ALMS1: variants seen among roughly 807,000 people sequenced by gnomAD.
The protein encoded by ALMS1 is ALMS1 centrosome and basal body associated protein, also known as centrosome-associated protein ALMS1.
ALMS1 carries 271 observed loss-of-function variants against 352.2 expected under a neutral mutation model. The observed-to-expected ratio is 0.77, with a 90% confidence interval of 0.70 to 0.85. The LOEUF (loss-of-function observed/expected upper bound fraction) is 0.85, where lower values mean the gene tolerates loss of function less well. Ranked by LOEUF, ALMS1 falls within the 40% of genes least tolerant of loss-of-function variation. The pLI, the probability that ALMS1 is intolerant of heterozygous loss-of-function variation, is 0.00. For synonymous variants in ALMS1, 1,865 were observed against 1,761.2 expected, an observed-to-expected ratio of 1.06 and a Z score of -1.48; for missense variants, 5,445 against 4,870.7, an observed-to-expected ratio of 1.12 and a Z score of -3.51.
chr2:73,474,817 A>C (rs749179643), intron 9 of ALMS1, among the ~76,000 whole-genome samples: 4 of 152,132 alleles, frequency 2.6e-5, no homozygotes, highest in Non-Finnish European at 5.9e-5. Context: ...TATAATACAT[A>C]AGGTTTGCCC....
chr2:73,504,785 G>T (rs1236042549), intron 10 of ALMS1, among the ~76,000 whole-genome samples: 2 of 151,874 alleles, frequency 1.3e-5, no homozygotes, highest in Non-Finnish European at 2.9e-5. Context: ...GAATGTTCAG[G>T]TTTGTTACAT....
At chr2:73,411,031 C>T (rs930832269) in intron 2 of ALMS1, among the ~76,000 whole-genome samples, 1 of 151,874 alleles carries the variant, frequency 6.6e-6, no homozygotes, top group Admixed American at 6.6e-5. Flanking sequence ...TGTTTTGGGT[C>T]GAATTGTGCC....
chr2:73,408,145 A>T (rs1671007864), intron 1 of ALMS1, among the ~76,000 whole-genome samples: 1 of 152,010 alleles, frequency 6.6e-6, no homozygotes, highest in Non-Finnish European at 1.5e-5. Flanking sequence ...TTTTTGTTTT[A>T]TTGCCTGTAA....
At chr2:73,582,964 C>G (rs1675217481) in intron 16 of ALMS1, among the ~76,000 whole-genome samples, 1 of 151,524 alleles carries the variant, frequency 6.6e-6, no homozygotes, top group East Asian at 1.9e-4. Context: ...ACTGTTTTCC[C>G]TAGTGGTTGT....
chr2:73,425,549 T>A (rs1353405063), intron 5 of ALMS1, among the ~76,000 whole-genome samples: 1 of 152,116 alleles, frequency 6.6e-6, no homozygotes, highest in Non-Finnish European at 1.5e-5. Flanking sequence ...CTCTTTTTGG[T>A]GAGAAAAATA....
chr2:73,475,468 A>G (rs1001396917), intron 9 of ALMS1, among the ~76,000 whole-genome samples: 1 of 152,086 alleles, frequency 6.6e-6, no homozygotes, highest in African/African-American at 2.4e-5. Context: ...TATTTCTAAC[A>G]ACTAATGGTG....
chr2:73,479,048 C>T (rs1672640947), intron 9 of ALMS1, among the ~76,000 whole-genome samples: 1 of 152,100 alleles, frequency 6.6e-6, no homozygotes. Context: ...CATAGTATTC[C>T]ATGGTATATA....
Position 73,452,059 on chromosome 2 carries a change from C to T in ALMS1, c.5532C>T (p.Asn1844=), listed in dbSNP as rs369656698. Residue 1844 remains asparagine (N), a synonymous_variant, in exon 8 of 23, where the codon AAC becomes AAT. Transcript: ENST00000613296. ...PGPADQKTGI[N]ILPSNSYPQR... is the part of the protein sequence containing the mutation. ...CAGCTGACCAGAAGACTGGAATAAA[C>T]ATCCTGCCCTCTAATTCCTACCCAC... The T allele has an allele frequency of 1.5e-5, 25 of 1,613,976 alleles. No individual in the cohort carries two copies. Among genetic ancestry groups the T allele is most frequent in the Middle Eastern group, 1.7e-4 (1 of 6,058 alleles).
chr2:73,406,589 G>A (rs759412877), intron 1 of ALMS1, among the ~76,000 whole-genome samples: 4 of 151,456 alleles, frequency 2.6e-5, no homozygotes, highest in Non-Finnish European at 5.9e-5. Flanking sequence ...TATTTTCATT[G>A]TAGTTACCAT....
Position 73,432,278 on chromosome 2 carries a change from A to G in ALMS1, c.1419A>G (p.Lys473=), listed in dbSNP as rs763926547. 1.2e-6 allele frequency: 2 copies of G among 1,611,014 alleles called. No homozygotes were observed. The highest frequency in any genetic ancestry group is 1.1e-5 in the South Asian group (1 of 91,016). The stretch of plus-strand genomic sequence containing the variant: ...CTGACACTGTGCCAAAGGCTCCTAA[A>G]CATTTAAAAGCAGGTACGTAGAAAA... The part of the protein sequence containing the change: ...MSPDTVPKAP[K]HLKAGDTSKG... The change falls in exon 7 of 23, where the codon AAA becomes AAG. Residue 473 remains lysine, a synonymous_variant. Coordinates refer to ENST00000613296, the MANE Select transcript of ALMS1 (RefSeq NM_001378454.1).
intron 19 of ALMS1, 82 bp from the exon 20 acceptor site, chr2:73,602,103 G>C (rs565682718): frequency 7.9e-6 from 11 of 1,399,250 alleles, no homozygotes; most frequent in African/African-American, 4.3e-5. Context: ...CTCTTGGGCA[G>C]GTGGTGTGTC....
At chr2:73,535,092 G>C in intron 12 of ALMS1, 143 bp downstream of exon 12, 2 of 1,016,624 alleles carry the variant, frequency 2.0e-6, no homozygotes, top group Non-Finnish European at 3.1e-6. Flanking sequence ...CTCTGGTTCA[G>C]ATAGGTGAGT....
In ALMS1 at chr2:73,452,664, G is replaced by C. The variant is rs780755468; in HGVS notation, c.6137G>C (p.Ser2046Thr). 1.2e-5 allele frequency: 19 copies of C among 1,613,834 alleles called. No homozygotes were observed. Among genetic ancestry groups the C allele is most frequent in the Non-Finnish European group, 1.6e-5 (19 of 1,179,994 alleles). The change falls in exon 8 of 23, where the codon AGT (serine) becomes ACT (threonine). Residue 2046 changes from serine to threonine, a missense_variant. Transcript: ENST00000613296. ...QKTPSQTAFH[S>T]SYSQTVKPNI... The stretch of plus-strand genomic sequence containing the variant: ...ACTCCATCCCAGACAGCTTTTCATA[G>C]TTCCTATTCTCAAACAGTAAAGCCC...
At chr2:73,543,092 A>G (rs931352192) in intron 12 of ALMS1, among the ~76,000 whole-genome samples, 1 of 152,240 alleles carries the variant, frequency 6.6e-6, no homozygotes, top group Non-Finnish European at 1.5e-5. Context: ...AGCTGGAGGC[A>G]TGACGCTACC....
Position 73,452,056 on chromosome 2 carries a change from A to C in ALMS1, c.5529A>C (p.Ile1843=). 1 of 1,614,098 alleles carries C rather than the reference A, an allele frequency of 6.2e-7. No individual in the cohort carries two copies. ...GACCAGCTGACCAGAAGACTGGAAT[A>C]AACATCCTGCCCTCTAATTCCTACC... The part of the protein sequence containing the change: ...VPGPADQKTG[I]NILPSNSYPQ... Residue 1843 remains isoleucine (I), a synonymous_variant, in exon 8 of 23, where the codon ATA becomes ATC. Transcript: ENST00000613296.
chr2:73,385,876 C>T lies in ALMS1; in HGVS notation c.8C>T (p.Pro3Leu), dbSNP rs914898490. 16 of 774,074 alleles carry T rather than the reference C, an allele frequency of 2.1e-5. No homozygotes were observed. The African/African-American group carries it at 2.4e-4, about 12-fold the overall frequency. The allele number at this position is 774,074 out of a possible 1,614,324, so 48.0% of individuals were successfully genotyped here. The change falls in exon 1 of 23, where the codon CCC becomes CTC. Residue 3 changes from proline (P) to leucine (L), a missense_variant. By Grantham distance (98) the Pro-to-Leu change is moderately conservative. Transcript: ENST00000613296. The stretch of plus-strand genomic sequence containing the variant: ...CCAGAGCGAGACACCAACATGGAGC[C>T]CGAGGATCTGCCATGGCCGGGCGAG... ME[P>L]EDLPWPGELE...
intron 9 of ALMS1, among the ~76,000 whole-genome samples, chr2:73,487,285 G>A (rs1308573795): frequency 6.6e-6 from 1 of 152,206 alleles, no homozygotes; most frequent in Non-Finnish European, 1.5e-5. Context: ...GCAAGCAAGT[G>A]TGGGGTCTAG....
At chr2:73,570,054 T>C (rs1397731082) in intron 15 of ALMS1, among the ~76,000 whole-genome samples, 1 of 152,048 alleles carries the variant, frequency 6.6e-6, no homozygotes, top group African/African-American at 2.4e-5. Flanking sequence ...TAGAAATAGA[T>C]GTGTGATTGT....
chr2:73,394,471 C>G (rs1670712894), intron 1 of ALMS1, among the ~76,000 whole-genome samples: 1 of 152,090 alleles, frequency 6.6e-6, no homozygotes, highest in Non-Finnish European at 1.5e-5. Flanking sequence ...CCTGCCTCAG[C>G]CTCCAGTAAC....
Sources: allele counts gnomAD v4.1 joint callset (sites outside exome capture counted in the v4.1 genomes callset), GRCh38; gene constraint gnomAD v4.1.1; transcripts MANE v1.5; gene names NCBI Gene and HGNC (gene_info 2026-07-23, HGNC 2026-07-21).